DLG2: variants seen among roughly 807,000 people sequenced by gnomAD.
DLG2 encodes the protein disks large homolog 2.
Under a neutral mutation model 132.5 loss-of-function variants are expected in DLG2, and 45 were observed. That is an observed-to-expected ratio of 0.34 (90% CI 0.27 to 0.44). DLG2 has a LOEUF of 0.44. Ranked by LOEUF, DLG2 falls within the 20% of genes least tolerant of loss-of-function variation. DLG2 has a pLI of 1.00. For synonymous variants in DLG2, 424 were observed against 419.6 expected (o/e 1.01, Z -0.13); for missense variants, 1,045 against 1,196.9 (o/e 0.87, Z 1.87).
At chr11:84,396,094 A>G (rs1349001099) in intron 7 of DLG2, among the ~76,000 whole-genome samples, 1 of 152,188 alleles carries the variant, frequency 6.6e-6, no homozygotes. Context: ...CTTTTAGGCC[A>G]CTGACATTCT....
intron 7 of DLG2, among the ~76,000 whole-genome samples, chr11:84,286,666 A>T (rs183982414): frequency 2.3e-3 from 352 of 152,218 alleles, no homozygotes; most frequent in African/African-American, 8.0e-3. Context: ...GGCACACTCA[A>T]TTTTTTCCCT....
intron 6 of DLG2, among the ~76,000 whole-genome samples, chr11:84,539,829 A>G (rs1468133905): frequency 1.3e-5 from 2 of 152,122 alleles, no homozygotes; most frequent in Admixed American, 6.6e-5. Context: ...ACAGTAACCA[A>G]AACAGCATGG....
At chr11:84,965,704 C>G (rs1023706517) in intron 6 of DLG2, among the ~76,000 whole-genome samples, 10 of 151,958 alleles carry the variant, frequency 6.6e-5, no homozygotes. Flanking sequence ...TGAGGAGATG[C>G]ATTTCAATTA....
At chr11:84,400,817 AT>A (rs931399431) in intron 7 of DLG2, among the ~76,000 whole-genome samples, 3 of 152,056 alleles carry the variant, frequency 2.0e-5, no homozygotes, top group African/African-American at 4.8e-5. Flanking sequence ...ATAGTTGTGT[AT>A]TTTTTTCTAA....
At chr11:84,002,645 G>C (rs991034360) in intron 11 of DLG2, among the ~76,000 whole-genome samples, 1 of 152,076 alleles carries the variant, frequency 6.6e-6, no homozygotes, top group African/African-American at 2.4e-5. Context: ...AGGGCACCAA[G>C]TCCAGAGATT....
chr11:84,719,797 G>A (rs2061593814), intron 6 of DLG2, among the ~76,000 whole-genome samples: 1 of 152,134 alleles, frequency 6.6e-6, no homozygotes, highest in East Asian at 1.9e-4. Context: ...GGGGCAACCT[G>A]AGCCTAGCTC....
At chr11:85,554,083 T>C (rs372538394) in intron 3 of DLG2, among the ~76,000 whole-genome samples, 1 of 151,148 alleles carries the variant, frequency 6.6e-6, no homozygotes, top group East Asian at 1.9e-4. Flanking sequence ...TGAAAACTTC[T>C]ATCCAAGATC....
At chr11:84,075,940 A>G (rs2096824657) in intron 10 of DLG2, among the ~76,000 whole-genome samples, 1 of 152,308 alleles carries the variant, frequency 6.6e-6, no homozygotes, top group South Asian at 2.1e-4. Flanking sequence ...GGTATGCTTA[A>G]TCTATTACAC....
intron 6 of DLG2, among the ~76,000 whole-genome samples, chr11:84,717,652 G>T (rs977653796): frequency 6.6e-6 from 1 of 151,914 alleles, no homozygotes; most frequent in African/African-American, 2.4e-5. Flanking sequence ...ATAACTTTGG[G>T]AAAAGTAATG....
At chr11:83,664,594 C>T (rs186358197) in intron 18 of DLG2, among the ~76,000 whole-genome samples, 1 of 152,206 alleles carries the variant, frequency 6.6e-6, no homozygotes, top group Admixed American at 6.5e-5. Flanking sequence ...CGAAACCACA[C>T]TTGACTTCAG....
intron 6 of DLG2, among the ~76,000 whole-genome samples, chr11:84,776,123 T>G (rs562800272): frequency 5.9e-5 from 9 of 152,288 alleles, no homozygotes; most frequent in African/African-American, 2.2e-4. Context: ...TTTATTGAGG[T>G]ACACCTTTTT....
At chr11:85,060,707 T>G (rs1314777772) in intron 6 of DLG2, among the ~76,000 whole-genome samples, 1 of 151,722 alleles carries the variant, frequency 6.6e-6, no homozygotes, top group African/African-American at 2.4e-5. Flanking sequence ...GACGTGAGAT[T>G]GGTGGGTCAT....
Position 83,809,641 on chromosome 11 carries a change from T to C in DLG2, c.1723-22849A>G, listed in dbSNP as rs1012369659. Among the ~76,000 whole-genome samples, 50 of 152,292 alleles carry C rather than the reference T, an allele frequency of 3.3e-4. 1 individual carries two copies. Among genetic ancestry groups the C allele is most frequent in the Admixed American group, 1.2e-3 (18 of 15,278 alleles). On this transcript the variant is annotated intron_variant, in intron 17 of 27. Transcript: ENST00000376104. Reference sequence around the variant, plus strand: ...CCAGTCAGTCAACAATAGCTCAACTTTGGGCTTTTGGGTATGTATGTAGCT... The same window carrying C: ...CCAGTCAGTCAACAATAGCTCAACTCTGGGCTTTTGGGTATGTATGTAGCT...
chr11:84,647,597 T>C lies in DLG2; in HGVS notation c.358-112866A>G, dbSNP rs112471336. Among the ~76,000 whole-genome samples, 479 of 152,344 alleles carry C rather than the reference T, an allele frequency of 3.1e-3. 2 individuals are homozygous for C. Among genetic ancestry groups the C allele is most frequent in the African/African-American group, 0.011 (442 of 41,584 alleles). ...TTTCTGCGTTTATTTAAAACATCTT[T>C]ATTAAACACCTATAGATAGTCAGGT... On this transcript the variant is annotated intron_variant, in intron 6 of 27. Coordinates refer to ENST00000376104, the MANE Select transcript of DLG2 (RefSeq NM_001142699.3).
intron 18 of DLG2, among the ~76,000 whole-genome samples, chr11:83,728,345 C>A (rs562096436): frequency 2.8e-4 from 42 of 152,310 alleles, no homozygotes; most frequent in African/African-American, 1.0e-3. Flanking sequence ...TCCCTAATAG[C>A]CTCTCTTCTC....
At chr11:83,674,580 T>C (rs1190326541) in intron 18 of DLG2, among the ~76,000 whole-genome samples, 2 of 152,240 alleles carry the variant, frequency 1.3e-5, no homozygotes, top group Admixed American at 6.5e-5. Flanking sequence ...CCTTCCACTA[T>C]TTTTAGTTGC....
intron 3 of DLG2, among the ~76,000 whole-genome samples, chr11:85,340,794 G>A (rs75614255): frequency 0.014 from 2,186 of 152,044 alleles, 51 homozygotes; most frequent in African/African-American, 0.05. Flanking sequence ...CTTTTCTTTC[G>A]TTTTCTCTAG....
intron 6 of DLG2, among the ~76,000 whole-genome samples, chr11:84,677,260 T>G (rs1482027947): frequency 3.3e-5 from 5 of 152,084 alleles, no homozygotes; most frequent in Non-Finnish European, 5.9e-5. Flanking sequence ...ATCCCCAAGA[T>G]AAGTGCATTT....
At chr11:85,340,556 T>C (rs1353894266) in intron 3 of DLG2, among the ~76,000 whole-genome samples, 1 of 152,192 alleles carries the variant, frequency 6.6e-6, no homozygotes, top group Admixed American at 6.5e-5. Context: ...AGTTGATGGG[T>C]GCAGTAAACC....
Sources: allele counts gnomAD v4.1 joint callset (sites outside exome capture counted in the v4.1 genomes callset), GRCh38; gene constraint gnomAD v4.1.1; transcripts MANE v1.5; gene names NCBI Gene and HGNC (gene_info 2026-07-23, HGNC 2026-07-21).